TAMM41: variants seen among roughly 807,000 people sequenced by gnomAD.
The protein encoded by TAMM41 is phosphatidate cytidylyltransferase, mitochondrial.
Under a neutral mutation model 44.1 loss-of-function variants are expected in TAMM41, and 36 were observed. That is an observed-to-expected ratio of 0.82 (90% CI 0.63 to 1.08). TAMM41 has a LOEUF of 1.08. Ranked by LOEUF, TAMM41 falls within the 50% of genes least tolerant of loss-of-function variation. The pLI is 0.00. For synonymous variants in TAMM41, 164 were observed against 153.1 expected, an observed-to-expected ratio of 1.07 and a Z score of -0.53; for missense variants, 417 against 404.3, an observed-to-expected ratio of 1.03 and a Z score of -0.27.
chr3:11,741,813 G>A, the TAMM41 span, among the ~76,000 whole-genome samples: 28 of 150,078 alleles, frequency 1.9e-4, no homozygotes, highest in Admixed American at 9.9e-4. Context: ...GCTTAAGGTC[G>A]TTATTAAGTA....
intron 7 of TAMM41, among the ~76,000 whole-genome samples, chr3:11,793,739 T>C (rs568234754): frequency 1.1e-4 from 16 of 152,274 alleles, no homozygotes; most frequent in East Asian, 3.9e-4. Flanking sequence ...GACATGCTTA[T>C]ACATGGTTAA....
At chr3:11,730,996 A>G in the TAMM41 span, among the ~76,000 whole-genome samples, 1 of 152,038 alleles carries the variant, frequency 6.6e-6, no homozygotes, top group African/African-American at 2.4e-5. Flanking sequence ...TCAAGCCTCT[A>G]TTTCCTCACC....
At chr3:11,725,248 CT>C in the TAMM41 span, among the ~76,000 whole-genome samples, 1 of 130,584 alleles carries the variant, frequency 7.7e-6, no homozygotes, top group African/African-American at 2.8e-5. Context: ...TCTCCTCCCC[CT>C]CCTCCTTCTC....
chr3:11,725,887 G>A, the TAMM41 span, among the ~76,000 whole-genome samples: 1,707 of 152,264 alleles, frequency 0.011, 39 homozygotes, highest in African/African-American at 0.039. Context: ...GCTTTAAGAT[G>A]GCCACAACCA....
intron 4 of TAMM41, among the ~76,000 whole-genome samples, chr3:11,821,240 A>G (rs563298886): frequency 1.3e-5 from 2 of 152,336 alleles, no homozygotes; most frequent in Non-Finnish European, 2.9e-5. Context: ...TTCATTTGTT[A>G]TTATTACATT....
chr3:11,753,251 C>T, the TAMM41 span, among the ~76,000 whole-genome samples: 2 of 151,696 alleles, frequency 1.3e-5, no homozygotes, highest in African/African-American at 4.8e-5. Context: ...CATGGTGAGA[C>T]CCCCATCTCT....
chr3:11,809,602 CATA>C lies in TAMM41; in HGVS notation c.786_788del (p.Ile262del), dbSNP rs1438151953. On this transcript the variant is annotated inframe_deletion, in exon 6 of 8. Transcript: ENST00000455809. ...CATCTCTGTTTTTTCCAGGAGGGTC[CATA>C]ATATGATTTATCTGTTGCTGTAAGG... 9.9e-6 allele frequency: 16 copies of C among 1,613,954 alleles called. No homozygotes were observed. Among genetic ancestry groups the C allele is most frequent in the Non-Finnish European group, 1.3e-5 (15 of 1,179,982 alleles).
At chr3:11,744,577 C>T in the TAMM41 span, among the ~76,000 whole-genome samples, 22 of 151,946 alleles carry the variant, frequency 1.4e-4, no homozygotes, top group East Asian at 2.4e-3. Flanking sequence ...CACCTGTAAC[C>T]GCAGCTACTC....
At chr3:11,767,246 T>TAC in the TAMM41 span, among the ~76,000 whole-genome samples, 5 of 152,090 alleles carry the variant, frequency 3.3e-5, no homozygotes, top group African/African-American at 9.7e-5. Context: ...ATTTTGTGTT[T>TAC]TTAGTAGAGA....
At chr3:11,822,031 G>A (rs1441462987) in intron 4 of TAMM41, among the ~76,000 whole-genome samples, 4 of 152,078 alleles carry the variant, frequency 2.6e-5, no homozygotes, top group Non-Finnish European at 5.9e-5. Flanking sequence ...AATGAACTTC[G>A]TGTTTAGACC....
At chr3:11,831,844 A>G (rs532797223) in intron 3 of TAMM41, among the ~76,000 whole-genome samples, 4 of 152,286 alleles carry the variant, frequency 2.6e-5, no homozygotes, top group South Asian at 2.1e-4. Flanking sequence ...AACATCATAT[A>G]TGGTAGGTAA....
chr3:11,829,914 C>T (rs764262572), intron 3 of TAMM41, 50 bp from the exon 4 acceptor site: 1 of 1,571,866 alleles, frequency 6.4e-7, no homozygotes, highest in Non-Finnish European at 8.7e-7. Context: ...TGGAGTATTG[C>T]TCAAGCATGG....
chr3:11,735,747 A>G, the TAMM41 span, among the ~76,000 whole-genome samples: 1 of 152,200 alleles, frequency 6.6e-6, no homozygotes, highest in East Asian at 1.9e-4. Flanking sequence ...AAAGACTTCT[A>G]TAATAAGGCA....
At chr3:11,741,107 T>C in the TAMM41 span, among the ~76,000 whole-genome samples, 2 of 143,198 alleles carry the variant, frequency 1.4e-5, no homozygotes, top group Non-Finnish European at 3.0e-5. Flanking sequence ...TAATCTCAGC[T>C]ACTCGGGAGG....
At chr3:11,741,365 C>A in the TAMM41 span, among the ~76,000 whole-genome samples, 1 of 149,440 alleles carries the variant, frequency 6.7e-6, no homozygotes, top group Admixed American at 6.6e-5. Context: ...AGCACGACCA[C>A]AAGGGCACTG....
the TAMM41 span, among the ~76,000 whole-genome samples, chr3:11,723,919 A>G: frequency 1.3e-5 from 2 of 151,962 alleles, no homozygotes; most frequent in Non-Finnish European, 2.9e-5. Flanking sequence ...TAGCAAAGAC[A>G]CAAGATTGGC....
chr3:11,747,728 T>C, the TAMM41 span, among the ~76,000 whole-genome samples: 4 of 151,900 alleles, frequency 2.6e-5, no homozygotes, highest in African/African-American at 9.7e-5. Context: ...ATTGTGCCAC[T>C]GTACTCCAGC....
chr3:11,749,713 G>C, the TAMM41 span, among the ~76,000 whole-genome samples: 1 of 152,140 alleles, frequency 6.6e-6, no homozygotes, highest in Non-Finnish European at 1.5e-5. Context: ...GCGGAAGGGA[G>C]GGCTCATTCA....
the TAMM41 span, among the ~76,000 whole-genome samples, chr3:11,729,100 G>A: frequency 6.6e-6 from 1 of 151,914 alleles, no homozygotes; most frequent in African/African-American, 2.4e-5. Flanking sequence ...TTCTGAGAAA[G>A]TGCCCTTAAG....
Sources: gnomAD v4.1 joint callset for allele counts (sites outside exome capture counted in the v4.1 genomes callset) on GRCh38, gnomAD v4.1.1 for gene constraint, MANE v1.5 for transcripts, NCBI Gene and HGNC (gene_info 2026-07-23, HGNC 2026-07-21) for gene names.